The following SLC12A8 variants were observed in gnomAD, a reference collection of about 807,000 sequenced individuals.
SLC12A8 encodes solute carrier family 12 member 8.
Under a neutral mutation model 75.6 loss-of-function variants are expected in SLC12A8, and 69 were observed. The ratio of observed to expected loss-of-function variants is 0.91; its 90% CI spans 0.75 to 1.11. SLC12A8 has a LOEUF of 1.11. Ranked by LOEUF, SLC12A8 falls within the 50% of genes most tolerant of loss-of-function variation. SLC12A8 has a pLI of 0.00. For missense variants in SLC12A8, 877 were observed against 896.7 expected (o/e 0.98, Z 0.28); for synonymous variants, 365 against 372.8 (o/e 0.98, Z 0.24).
intron 2 of SLC12A8, among the ~76,000 whole-genome samples, chr3:125,202,757 G>T (rs1485462317): frequency 6.6e-6 from 1 of 151,714 alleles, no homozygotes; most frequent in Non-Finnish European, 1.5e-5. Context: ...AAATTAAAGA[G>T]GACACAAACA....
At chr3:125,151,569 A>G (rs596950) in intron 5 of SLC12A8, 19,287 of 153,364 alleles carry the variant, frequency 0.13, 1,703 homozygotes, top group East Asian at 0.36. Flanking sequence ...GGGGTGCGGT[A>G]GGTCTCAAGA....
intron 8 of SLC12A8, 117 bp from the exon 9 acceptor site, chr3:125,110,452 A>T: frequency 1.0e-6 from 1 of 952,870 alleles, no homozygotes. Flanking sequence ...TCTAGATCTG[A>T]TCCCTGGGAT....
chr3:125,147,768 C>G (rs1371746734), intron 5 of SLC12A8, among the ~76,000 whole-genome samples: 1 of 152,190 alleles, frequency 6.6e-6, no homozygotes, highest in Non-Finnish European at 1.5e-5. Context: ...CCCCAGGAAA[C>G]TACCTTGCTA....
intron 12 of SLC12A8, among the ~76,000 whole-genome samples, chr3:125,089,950 T>A (rs911806129): frequency 2.0e-5 from 3 of 152,028 alleles, no homozygotes; most frequent in Non-Finnish European, 4.4e-5. Context: ...CTTTATTCAG[T>A]TCAAAATACT....
intron 5 of SLC12A8, among the ~76,000 whole-genome samples, chr3:125,167,194 G>A (rs1420157583): frequency 3.3e-5 from 5 of 151,166 alleles, no homozygotes; most frequent in Admixed American, 3.3e-4. Flanking sequence ...CTGTCACCCA[G>A]GCTGCAGTGC....
intron 4 of SLC12A8, among the ~76,000 whole-genome samples, chr3:125,185,800 C>G (rs539125110): frequency 1.3e-5 from 2 of 152,214 alleles, no homozygotes. Context: ...CCCGCGCCAG[C>G]GACAAACAAA....
chr3:125,103,016 C>A (rs2089986), intron 10 of SLC12A8, among the ~76,000 whole-genome samples: 20,581 of 152,124 alleles, frequency 0.14, 1,790 homozygotes, highest in Middle Eastern at 0.3. Context: ...TACCAAGATC[C>A]TTTTCTCTGC....
intron 7 of SLC12A8, 162 bp from the exon 8 acceptor site, chr3:125,119,018 A>G: frequency 1.9e-6 from 1 of 535,276 alleles, no homozygotes; most frequent in Middle Eastern, 5.1e-4. Flanking sequence ...CACTTTTTGT[A>G]CTATTTCTCT....
At chr3:125,150,965 C>T (rs1243361028) in intron 5 of SLC12A8, among the ~76,000 whole-genome samples, 2 of 152,120 alleles carry the variant, frequency 1.3e-5, no homozygotes, top group African/African-American at 2.4e-5. Flanking sequence ...TTAGGAAACG[C>T]GCTCACACAC....
intron 10 of SLC12A8, among the ~76,000 whole-genome samples, chr3:125,099,809 T>A (rs889527658): frequency 1.3e-5 from 2 of 152,044 alleles, no homozygotes; most frequent in African/African-American, 4.8e-5. Context: ...GCATCTGTAA[T>A]CCCAGCTACT....
chr3:125,155,957 C>T (rs1021811271), intron 5 of SLC12A8, among the ~76,000 whole-genome samples: 5 of 151,970 alleles, frequency 3.3e-5, no homozygotes, highest in Admixed American at 1.3e-4. Flanking sequence ...ATCCCTAGAC[C>T]GTATGCTCAG....
intron 6 of SLC12A8, 83 bp downstream of exon 6, chr3:125,135,586 G>A (rs1933466516): frequency 1.3e-6 from 1 of 779,496 alleles, no homozygotes; most frequent in East Asian, 2.7e-5. Flanking sequence ...AAGAGTACCT[G>A]CAGGCCAATG....
intron 5 of SLC12A8, among the ~76,000 whole-genome samples, chr3:125,163,700 G>A (rs887182700): frequency 3.3e-5 from 5 of 152,180 alleles, no homozygotes; most frequent in African/African-American, 9.7e-5. Context: ...TGCCTCTTTA[G>A]GGGCCCTGTG....
chr3:125,184,581 T>C lies in SLC12A8; in HGVS notation c.390+2656A>G, dbSNP rs1034123121. ...GGGGGTAAAATCAGGGAATCTGTTTTGACAATCATTAGAAATAAATGAATG... is the reference window on the plus strand; with the variant it reads ...GGGGGTAAAATCAGGGAATCTGTTTCGACAATCATTAGAAATAAATGAATG... On this transcript the variant is annotated intron_variant, in intron 4 of 13. Coordinates refer to ENST00000469902, the MANE Select transcript of SLC12A8 (RefSeq NM_024628.6). Among the ~76,000 whole-genome samples, 7 of 152,104 alleles carry C rather than the reference T, an allele frequency of 4.6e-5. No homozygotes were observed. The East Asian group carries it at 9.7e-4, about 21-fold the overall frequency.
chr3:125,103,191 A>G (rs2107738998), intron 10 of SLC12A8, among the ~76,000 whole-genome samples: 1 of 152,210 alleles, frequency 6.6e-6, no homozygotes, highest in African/African-American at 2.4e-5. Context: ...TCTATACCCT[A>G]AACAGTGGGA....
intron 3 of SLC12A8, among the ~76,000 whole-genome samples, chr3:125,187,668 T>C (rs948765320): frequency 6.4e-4 from 97 of 152,112 alleles, no homozygotes; most frequent in African/African-American, 1.9e-3. Flanking sequence ...CTCCCACCTA[T>C]AGGGTACAGT....
Position 125,107,472 on chromosome 3 carries a change from A to C in SLC12A8, c.1705+9T>G. ...ATAAGAGGCCCCAGTGTGATACCAG[A>C]GCACTCACCTTCTCCACTGGACTCT... On this transcript the variant is annotated intron_variant, in intron 10 of 13. Transcript: ENST00000469902. 6.3e-7 allele frequency: 1 copy of C among 1,597,062 alleles called. No individual in the cohort carries two copies. The highest frequency in any genetic ancestry group is 8.6e-7 in the Non-Finnish European group (1 of 1,167,470).
Position 125,120,615 on chromosome 3 carries a change from C to T in SLC12A8, c.808G>A (p.Ala270Thr). The T allele has an allele frequency of 6.2e-7, 1 of 1,613,456 alleles. No homozygotes were observed. The highest frequency in any genetic ancestry group is 8.5e-7 in the Non-Finnish European group (1 of 1,179,726). The change falls in exon 7 of 14, where the codon GCA (alanine) becomes ACA (threonine). Residue 270 changes from alanine (A) to threonine (T), a missense_variant. Ala to Thr is a moderately conservative substitution (Grantham distance 58). Coordinates refer to ENST00000469902, the MANE Select transcript of SLC12A8 (RefSeq NM_024628.6). ...GGAACTTACGAGATGCCAACAGCTG[C>T]CAGGGAGCCCAGGGGAATGCTGGCG... ...PAASIPLGSL[A>T]AVGISWFLYI... is the part of the protein sequence containing the mutation.
chr3:125,149,119 T>C (rs1306111892), intron 5 of SLC12A8, among the ~76,000 whole-genome samples: 1 of 152,118 alleles, frequency 6.6e-6, no homozygotes, highest in Non-Finnish European at 1.5e-5. Context: ...CAGGCATCCA[T>C]ACCCGGAACG....
Sources: gnomAD v4.1 joint callset for allele counts (sites outside exome capture counted in the v4.1 genomes callset) on GRCh38, gnomAD v4.1.1 for gene constraint, MANE v1.5 for transcripts, NCBI Gene and HGNC (gene_info 2026-07-23, HGNC 2026-07-21) for gene names.